Variants in PTPRU observed in about 807,000 individuals in gnomAD.
The protein encoded by PTPRU is protein tyrosine phosphatase receptor type U.
In PTPRU, 69 loss-of-function variants were observed where a neutral mutation model predicts 166.3. That is an observed-to-expected ratio of 0.41 (90% CI 0.34 to 0.51). The LOEUF is 0.51. PTPRU is among the 20% of genes least tolerant of loss of function. The probability of loss-of-function intolerance (pLI) is 0.09; values close to 1 mark genes in which losing one functional copy is unlikely to be tolerated. For missense variants in PTPRU, 1,657 were observed against 2,013.7 expected, an observed-to-expected ratio of 0.82 and a Z score of 3.39; for synonymous variants, 793 against 814.0, an observed-to-expected ratio of 0.97 and a Z score of 0.44.
intron 7 of PTPRU, 151 bp from the exon 8 acceptor site, chr1:29,275,297 T>C: frequency 1.2e-6 from 1 of 802,976 alleles, no homozygotes; most frequent in Non-Finnish European, 1.9e-6. Context: ...ATACTTTTAC[T>C]CCCTGTTTGA....
At chr1:29,305,471 C>A (rs372073750) in intron 18 of PTPRU, 43 bp downstream of exon 18, 1 of 1,575,882 alleles carries the variant, frequency 6.3e-7, no homozygotes, top group South Asian at 1.1e-5. Context: ...TGGCCCTGCC[C>A]GCTCCAGGCT....
Position 29,277,033 on chromosome 1 carries a change from A to T in PTPRU, c.1453+1277A>T, listed in dbSNP as rs565269031. Among the ~76,000 whole-genome samples, 7 of 152,318 alleles carry T rather than the reference A, an allele frequency of 4.6e-5. No individual in the cohort carries two copies. The South Asian group carries it at 1.5e-3, about 32-fold the overall frequency. On this transcript the variant is annotated intron_variant, in intron 8 of 29. Transcript: ENST00000373779. Reference sequence around the variant, plus strand: ...ATACAATTGAACTGTTATTTCTGTTATAATTTCTGCTTTGACCTAAGAGTT... The same window carrying T: ...ATACAATTGAACTGTTATTTCTGTTTTAATTTCTGCTTTGACCTAAGAGTT...
Position 29,323,678 on chromosome 1 carries a change from G to T in PTPRU, c.4002G>T (p.Trp1334Cys), listed in dbSNP as rs1164560327. 2 of 1,614,052 alleles carry T rather than the reference G, an allele frequency of 1.2e-6. No individual in the cohort carries two copies. The highest frequency in any genetic ancestry group is 1.7e-6 in the Non-Finnish European group (2 of 1,180,020). The part of the protein sequence containing the change: ...LLVRHFQFLR[W>C]SAYRDTPDSK... ...TGCGGCACTTCCAGTTCCTGCGCTG[G>T]TCTGCATACCGGGACACACCTGACT... Residue 1334 changes from tryptophan (W) to cysteine (C), a missense_variant, in exon 28 of 30, where the codon TGG becomes TGT. By Grantham distance (215) the Trp-to-Cys change is radical. This residue lies in a region of PTPRU where 1,190 missense variants were observed against 1,477.4 expected (regional missense o/e 0.81). Coordinates refer to ENST00000373779, the MANE Select transcript of PTPRU (RefSeq NM_133178.4).
intron 7 of PTPRU, among the ~76,000 whole-genome samples, chr1:29,272,831 G>A (rs532175733): frequency 4.6e-5 from 7 of 150,760 alleles, no homozygotes; most frequent in Non-Finnish European, 7.4e-5. Flanking sequence ...CACTTGAGCC[G>A]GGGAGATCAA....
chr1:29,324,237 T>TC (rs1402235308), intron 28 of PTPRU, among the ~76,000 whole-genome samples: 1 of 152,224 alleles, frequency 6.6e-6, no homozygotes, highest in East Asian at 1.9e-4. Flanking sequence ...CTGGGTGCAG[T>TC]CACTCCTTTG....
At position 29,277,803 on chromosome 1, in the gene PTPRU, C is replaced by CTTTTTTTTTTTTTTTTTTTTTTTTTTTTT. The variant is rs71586898; in HGVS notation, c.1454-1204_1454-1176dup. Among the ~76,000 whole-genome samples the CTTTTTTTTTTTTTTTTTTTTTTTTTTTTT allele has an allele frequency of 4.3e-4, 22 of 50,590 alleles. 7 individuals carry two copies. Among genetic ancestry groups the CTTTTTTTTTTTTTTTTTTTTTTTTTTTTT allele is most frequent in the East Asian group, 1.2e-3 (2 of 1,602 alleles). The allele number at this position is 50,590 out of a possible 152,430, so 33.2% of individuals were successfully genotyped here. ...ACCATCTGGCTTCACAGTTGTCATT[C>CTTTTTTTTTTTTTTTTTTTTTTTTTTTTT]TTTTTTTTTTTTTTTTTTTTTTTTT... is the stretch of plus-strand genomic sequence containing the variant. On this transcript the variant is annotated intron_variant, in intron 8 of 29. Transcript: ENST00000373779.
chr1:29,239,459 G>A (rs973650433), intron 1 of PTPRU, among the ~76,000 whole-genome samples: 2 of 152,154 alleles, frequency 1.3e-5, no homozygotes, highest in African/African-American at 4.8e-5. Flanking sequence ...TGGGGCTAGG[G>A]GAGGGGACTT....
chr1:29,325,086 G>A, intron 28 of PTPRU, 105 bp from the exon 29 acceptor site: 3 of 1,462,570 alleles, frequency 2.1e-6, no homozygotes, highest in South Asian at 2.5e-5. Context: ...CCCTAGCTCC[G>A]TCCCTCTCCT....
chr1:29,258,728 G>T lies in PTPRU; in HGVS notation c.429G>T (p.Trp143Cys), dbSNP rs1558554534. The T allele has an allele frequency of 4.4e-6, 7 of 1,606,872 alleles. No individual in the cohort carries two copies. The highest frequency in any genetic ancestry group is 6.0e-6 in the Non-Finnish European group (7 of 1,175,870). ...WNMTGSHGRQ[W>C]HQAELAVSTF... ...TGACTGGATCCCACGGCCGTCAGTG[G>T]CACCAGGCTGAGCTGGCTGTCAGCA... Residue 143 changes from tryptophan (W) to cysteine (C), a missense_variant, in exon 3 of 30, where the codon TGG becomes TGT. This residue lies in a region of PTPRU where 453 missense variants were observed against 496.9 expected (regional missense o/e 0.91). Transcript: ENST00000373779.
At position 29,259,470 on chromosome 1, in the gene PTPRU, G is replaced by C; in HGVS notation, c.581G>C (p.Arg194Pro). ...YPCAKAPHFS[R>P]LGDVEVNAGQ... ...GCAGCAAAGGCCCCACACTTCTCCC[G>C]CCTGGGCGACGTGGAGGTCAACGCG... Residue 194 changes from arginine to proline, a missense_variant, in exon 5 of 30, where the codon CGC becomes CCC. Arg to Pro is a moderately radical substitution (Grantham distance 103). This residue lies in a region of PTPRU where 453 missense variants were observed against 496.9 expected (regional missense o/e 0.91). Coordinates refer to ENST00000373779, the MANE Select transcript of PTPRU (RefSeq NM_133178.4). 1 of 1,612,042 alleles carries C rather than the reference G, an allele frequency of 6.2e-7. No individual in the cohort carries two copies. Among genetic ancestry groups the C allele is most frequent in the Non-Finnish European group, 8.5e-7 (1 of 1,178,812 alleles).
chr1:29,280,033 C>T lies in PTPRU; in HGVS notation c.1766-6C>T, dbSNP rs781719749. 6.2e-7 allele frequency: 1 copy of T among 1,611,318 alleles called. No individual in the cohort carries two copies. The highest frequency in any genetic ancestry group is 1.1e-5 in the South Asian group (1 of 90,980). On this transcript the variant is annotated splice_polypyrimidine_tract_variant and splice_region_variant and intron_variant, in intron 10 of 29. Coordinates refer to ENST00000373779, the MANE Select transcript of PTPRU (RefSeq NM_133178.4). The surrounding 1 kb of genome is among the most constrained non-coding windows in gnomAD (Gnocchi z 4.2). ...CTCCAGCTTGTGACCCTGTCCCCTT[C>T]TCCAGCTCCCAGCTTTGATTATGCC...
intron 13 of PTPRU, 88 bp from the exon 14 acceptor site, chr1:29,284,643 G>T: frequency 6.3e-7 from 1 of 1,588,226 alleles, no homozygotes; most frequent in African/African-American, 1.3e-5. Context: ...GTGCAGCCCA[G>T]TTTGTTCCTT....
At chr1:29,323,816 G>T (rs1229704129) in intron 28 of PTPRU, 28 bp downstream of exon 28, 2 of 1,612,278 alleles carry the variant, frequency 1.2e-6, no homozygotes, top group East Asian at 4.5e-5. Context: ...GGGAGGGCGG[G>T]TGGAGGGGTT....
At position 29,323,743 on chromosome 1, in the gene PTPRU, A is replaced by T; in HGVS notation, c.4067A>T (p.Lys1356Met). Residue 1356 changes from lysine (K) to methionine (M), a missense_variant, in exon 28 of 30, where the codon AAG (lysine) becomes ATG (methionine). Physicochemically the swap from Lys to Met is moderately conservative, Grantham distance 95. Around this residue, in one of 3 missense-constraint regions of PTPRU, gnomAD observed 1,190 missense variants for 1,477.4 expected, o/e 0.81. Transcript: ENST00000373779. ...TTGCACCTGCTGGCTGAGGTGGACA[A>T]GTGGCAGGCCGAGAGTGGGGATGGG... ...AFLHLLAEVD[K>M]WQAESGDGRT... The T allele has an allele frequency of 1.2e-6, 2 of 1,614,136 alleles. No individual in the cohort carries two copies. Among genetic ancestry groups the T allele is most frequent in the Non-Finnish European group, 1.7e-6 (2 of 1,179,966 alleles).
At chr1:29,263,086 G>T (rs1685145259) in intron 7 of PTPRU, among the ~76,000 whole-genome samples, 1 of 152,162 alleles carries the variant, frequency 6.6e-6, no homozygotes, top group Admixed American at 6.5e-5. Flanking sequence ...CTGGGATCAA[G>T]GGATTCTCCT....
intron 5 of PTPRU, 93 bp from the exon 6 acceptor site, chr1:29,259,777 G>T (rs1441435497): frequency 5.8e-5 from 81 of 1,393,432 alleles, no homozygotes; most frequent in Non-Finnish European, 7.7e-5. Context: ...TCCGCGCGGT[G>T]TAGTAGGGAC....
In PTPRU at chr1:29,260,121, C is replaced by A; in HGVS notation, c.850+77C>A. ...GCCGGCGACGGGGGCGGGCTCTGCC[C>A]GGGGGCGTGGCCGTGGGGGGTGGGG... On this transcript the variant is annotated intron_variant, in intron 6 of 29. Coordinates refer to ENST00000373779, the MANE Select transcript of PTPRU (RefSeq NM_133178.4). The surrounding 1 kb of genome is among the most constrained non-coding windows in gnomAD (Gnocchi z 8.3). 5 of 336,534 alleles carry A rather than the reference C, an allele frequency of 1.5e-5. No individual in the cohort carries two copies. Among genetic ancestry groups the A allele is most frequent in the South Asian group, 5.4e-5 (1 of 18,364 alleles). 20.8% of individuals were successfully genotyped at this position (336,534 alleles called of 1,614,324 possible).
chr1:29,258,799 T>A (rs767257617), intron 3 of PTPRU, 23 bp downstream of exon 3: 4 of 1,550,102 alleles, frequency 2.6e-6, no homozygotes, highest in Non-Finnish European at 3.5e-6. Context: ...CAGTCAGCGG[T>A]CAGCCTGTGC....
At chr1:29,272,924 A>G (rs1399337785) in intron 7 of PTPRU, among the ~76,000 whole-genome samples, 8 of 150,744 alleles carry the variant, frequency 5.3e-5, no homozygotes, top group African/African-American at 4.9e-5. Context: ...AAAAAAAAAA[A>G]AAAGAAAAAA....
Sources: allele counts gnomAD v4.1 joint callset (sites outside exome capture counted in the v4.1 genomes callset), GRCh38; gene constraint gnomAD v4.1.1; regional missense constraint gnomAD v4.1.1; non-coding constraint Gnocchi (gnomAD v3.1); transcripts MANE v1.5; gene names NCBI Gene and HGNC (gene_info 2026-07-23, HGNC 2026-07-21).